The following MBD5 variants were observed in gnomAD, a reference collection of about 807,000 sequenced individuals.
The protein encoded by MBD5 is methyl-CpG binding domain protein 5, also known as methyl-CpG-binding domain protein 5.
MBD5 carries 13 observed loss-of-function variants against 117.3 expected under a neutral mutation model. That is an observed-to-expected ratio of 0.11 (90% CI 0.07 to 0.18). MBD5 has a LOEUF of 0.18. Among genes scored for constraint, MBD5 ranks in the 10% least tolerant of loss-of-function variants. The probability of loss-of-function intolerance (pLI) is 1.00; values close to 1 mark genes in which losing one functional copy is unlikely to be tolerated. For missense variants in MBD5, 1,879 were observed against 2,093.8 expected, an observed-to-expected ratio of 0.90 and a Z score of 2.00; for synonymous variants, 727 against 766.4, an observed-to-expected ratio of 0.95 and a Z score of 0.85.
chr2:148,304,833 C>T (rs565090026), intron 3 of MBD5, among the ~76,000 whole-genome samples: 1 of 152,188 alleles, frequency 6.6e-6, no homozygotes, highest in African/African-American at 2.4e-5. Context: ...GAGGCCGAGG[C>T]GGGCGGATCA....
At chr2:148,440,424 G>A (rs1706283729) in intron 4 of MBD5, among the ~76,000 whole-genome samples, 1 of 152,146 alleles carries the variant, frequency 6.6e-6, no homozygotes, top group African/African-American at 2.4e-5. Context: ...GAATTGTGCT[G>A]AAAATAAAAT....
rs1699275436 is a variant in MBD5, at chr2:148,206,131, A to G, written c.-830-27114A>G. 2.0e-5 allele frequency among the ~76,000 whole-genome samples: 3 copies of G among 152,012 alleles called. No homozygotes were observed. The South Asian group carries it at 6.2e-4, about 31-fold the overall frequency. Reference sequence around the variant, plus strand: ...AGAGTGAGACCCTGTCTCAAAAAAAAAAAAAATAGAGAGACACACACACAC... The same window carrying G: ...AGAGTGAGACCCTGTCTCAAAAAAAGAAAAAATAGAGAGACACACACACAC... On this transcript the variant is annotated intron_variant, in intron 2 of 13. Transcript: ENST00000642680.
In MBD5 at chr2:148,483,528, G is replaced by T. The variant is rs765988323; in HGVS notation, c.2937G>T (p.Gln979His). Residue 979 changes from glutamine to histidine, a missense_variant, in exon 9 of 14, where the codon CAG (glutamine) becomes CAT (histidine). By Grantham distance (24) the Gln-to-His change is conservative. Coordinates refer to ENST00000642680, the MANE Select transcript of MBD5 (RefSeq NM_001378120.1). The stretch of plus-strand genomic sequence containing the variant: ...TTCTCTCCAGTGACATGGATGGGCA[G>T]GTATTGCAGCCTGTTCACTTTCAGC... ...LAFLSSDMDG[Q>H]VLQPVHFQLL... 6 of 1,604,948 alleles carry T rather than the reference G, an allele frequency of 3.7e-6. No individual in the cohort carries two copies. The highest frequency in any genetic ancestry group is 5.1e-6 in the Non-Finnish European group (6 of 1,175,076).
chr2:148,516,482 C>T lies in MBD5; in HGVS notation c.*3541C>T, dbSNP rs1377120755. On this transcript the variant is annotated 3_prime_UTR_variant, in exon 14 of 14. Coordinates refer to ENST00000642680, the MANE Select transcript of MBD5 (RefSeq NM_001378120.1). ...CATTGATTCATTTGGGGGACATGAA[C>T]AAAAATTATCAACCAGCCAGAACTG... is the stretch of plus-strand genomic sequence containing the variant. 6.6e-6 allele frequency: 1 copy of T among 152,104 alleles called. No homozygotes were observed. Among genetic ancestry groups the T allele is most frequent in the Non-Finnish European group, 1.5e-5 (1 of 68,004 alleles). The allele number at this position is 152,104 out of a possible 1,614,324, so 9.4% of individuals were successfully genotyped here.
At chr2:148,358,135 G>A (rs1559038305) in intron 4 of MBD5, among the ~76,000 whole-genome samples, 1 of 151,806 alleles carries the variant, frequency 6.6e-6, no homozygotes, top group Non-Finnish European at 1.5e-5. Context: ...CATTTTACTG[G>A]GTCTTAAAAG....
chr2:148,341,663 T>G (rs1343854436), intron 3 of MBD5, among the ~76,000 whole-genome samples: 3 of 151,996 alleles, frequency 2.0e-5, no homozygotes, highest in Admixed American at 2.0e-4. Flanking sequence ...AAACTTCTTT[T>G]AATTGGGCTA....
rs915804870 is a variant in MBD5 at position 148,514,894 on chromosome 2, C to T, written c.*1953C>T. On this transcript the variant is annotated 3_prime_UTR_variant, in exon 14 of 14. Transcript: ENST00000642680. ...ATGGAATGCAACTGGCTACCCTGGG[C>T]TTCATGACCTCAAAGTAGGAACCCT... 4.6e-5 allele frequency: 7 copies of T among 152,206 alleles called. No homozygotes were observed. The South Asian group carries it at 1.2e-3, about 27-fold the overall frequency. 9.4% of individuals were successfully genotyped at this position (152,206 alleles called of 1,614,324 possible).
intron 1 of MBD5, among the ~76,000 whole-genome samples, chr2:148,140,005 T>C (rs1421530949): frequency 6.6e-6 from 1 of 152,254 alleles, no homozygotes; most frequent in Non-Finnish European, 1.5e-5. Context: ...TTGGGGTAAC[T>C]GAACTTTCAG....
At chr2:148,356,714 T>A (rs1703389417) in intron 4 of MBD5, among the ~76,000 whole-genome samples, 1 of 152,148 alleles carries the variant, frequency 6.6e-6, no homozygotes, top group Non-Finnish European at 1.5e-5. Flanking sequence ...TATTCCCAGT[T>A]CTTTCCAACT....
At chr2:148,364,711 G>A (rs865965935) in intron 4 of MBD5, among the ~76,000 whole-genome samples, 2 of 151,862 alleles carry the variant, frequency 1.3e-5, no homozygotes, top group Admixed American at 6.6e-5. Flanking sequence ...GGTAAAAGAG[G>A]GTTTAAACCA....
intron 1 of MBD5, among the ~76,000 whole-genome samples, chr2:148,103,878 A>G (rs1341218804): frequency 6.6e-6 from 1 of 152,186 alleles, no homozygotes; most frequent in Non-Finnish European, 1.5e-5. Context: ...GGCATTATTC[A>G]GTAGTAAATT....
intron 1 of MBD5, among the ~76,000 whole-genome samples, chr2:148,087,386 T>A (rs1002837600): frequency 6.6e-6 from 1 of 152,214 alleles, no homozygotes; most frequent in Non-Finnish European, 1.5e-5. Context: ...TTTGTCCATG[T>A]GACTGTCACT....
chr2:148,186,185 T>C (rs1162620195), intron 2 of MBD5, among the ~76,000 whole-genome samples: 2 of 152,166 alleles, frequency 1.3e-5, no homozygotes, highest in African/African-American at 4.8e-5. Context: ...TGAGAGGTAA[T>C]TGAATCATGG....
chr2:148,298,379 T>A (rs1257537662), intron 3 of MBD5, among the ~76,000 whole-genome samples: 2 of 152,162 alleles, frequency 1.3e-5, no homozygotes, highest in South Asian at 2.1e-4. Context: ...GGAGCTTCTG[T>A]CCTGCTGAGC....
chr2:148,134,085 A>T (rs940668753), intron 1 of MBD5, among the ~76,000 whole-genome samples: 3 of 151,894 alleles, frequency 2.0e-5, no homozygotes, highest in Non-Finnish European at 4.4e-5. Flanking sequence ...AGAATATGAA[A>T]TTTTTTTTCT....
intron 4 of MBD5, among the ~76,000 whole-genome samples, chr2:148,425,529 C>T (rs576427973): frequency 1.3e-5 from 2 of 152,232 alleles, no homozygotes; most frequent in South Asian, 2.1e-4. Context: ...CTCCCTAACT[C>T]ATTTTATGAG....
At chr2:148,441,734 T>C (rs1706331526) in intron 4 of MBD5, among the ~76,000 whole-genome samples, 1 of 151,794 alleles carries the variant, frequency 6.6e-6, no homozygotes, top group Admixed American at 6.6e-5. Flanking sequence ...AGTGTAAAAG[T>C]GTTCCTATTT....
chr2:148,043,054 C>T (rs997279771), intron 1 of MBD5, among the ~76,000 whole-genome samples: 5 of 152,048 alleles, frequency 3.3e-5, no homozygotes, highest in Non-Finnish European at 5.9e-5. Context: ...GAATGAACTC[C>T]TAGACCACCT....
chr2:148,465,465 G>A (rs956167863), intron 7 of MBD5, among the ~76,000 whole-genome samples: 20 of 152,128 alleles, frequency 1.3e-4, no homozygotes, highest in Non-Finnish European at 2.1e-4. Flanking sequence ...AAACACCAAA[G>A]CATTTGTTTA....
Sources: allele counts gnomAD v4.1 joint callset (sites outside exome capture counted in the v4.1 genomes callset), GRCh38; gene constraint gnomAD v4.1.1; transcripts MANE v1.5; gene names NCBI Gene and HGNC (gene_info 2026-07-23, HGNC 2026-07-21).